Variants in GPATCH2L observed in about 807,000 individuals in gnomAD.
GPATCH2L encodes the protein G-patch domain containing 2 like.
In GPATCH2L, 31 loss-of-function variants were observed where a neutral mutation model predicts 57.4. The observed-to-expected ratio is 0.54, with a 90% CI of 0.41 to 0.73. The LOEUF (loss-of-function observed/expected upper bound fraction) is 0.73, where lower values mean the gene tolerates loss of function less well. Ranked by LOEUF, GPATCH2L falls within the 30% of genes least tolerant of loss-of-function variation. The probability of loss-of-function intolerance (pLI) is 0.00; values close to 1 mark genes in which losing one functional copy is unlikely to be tolerated. For synonymous variants in GPATCH2L, 199 were observed against 210.7 expected (o/e 0.94, Z 0.48); for missense variants, 481 against 599.9 (o/e 0.80, Z 2.07).
chr14:76,212,544 ATGTT>A lies in GPATCH2L; in HGVS notation c.*10694_*10697del, dbSNP rs1443162197. ...GGAGACACAGGAAGAAACAAATACAATGTTAGTTGGATATTTTAATTCAATTCTG... is the reference window on the plus strand; with the variant it reads ...GGAGACACAGGAAGAAACAAATACAAAGTTGGATATTTTAATTCAATTCTG... On this transcript the variant is annotated 3_prime_UTR_variant, in exon 10 of 10. Coordinates refer to ENST00000261530, the MANE Select transcript of GPATCH2L (RefSeq NM_017926.4). 1.3e-5 allele frequency: 2 copies of A among 152,206 alleles called. No individual in the cohort carries two copies. Among genetic ancestry groups the A allele is most frequent in the African/African-American group, 4.8e-5 (2 of 41,454 alleles). The allele number at this position is 152,206 out of a possible 1,614,324, so 9.4% of individuals were successfully genotyped here. A position where few individuals can be genotyped will look rare whatever the true frequency, so the allele number is the denominator to read the frequency against.
chr14:76,216,658 G>T (rs1244528550), downstream of GPATCH2L, among the ~76,000 whole-genome samples: 2 of 152,008 alleles, frequency 1.3e-5, no homozygotes, highest in Admixed American at 1.3e-4. Context: ...AATGCCATCA[G>T]TTTTTTTTCT....
At position 76,154,064 on chromosome 14, in the gene GPATCH2L, G is replaced by T; in HGVS notation, c.-10-290G>T. The T allele has an allele frequency of 3.9e-6, 1 of 253,410 alleles. No homozygotes were observed. The highest frequency in any genetic ancestry group is 7.5e-6 in the Non-Finnish European group (1 of 133,350). 15.7% of individuals were successfully genotyped at this position (253,410 alleles called of 1,614,324 possible). On this transcript the variant is annotated intron_variant, in intron 1 of 9. Coordinates refer to ENST00000261530, the MANE Select transcript of GPATCH2L (RefSeq NM_017926.4). The surrounding 1 kb of genome is among the most constrained non-coding windows in gnomAD (Gnocchi z 4.4). ...GGATCTAGTCCCCCGAATTTGTTTTGGGTCCTGTCCCAGTTGTCTTCTGGT... is the reference window on the plus strand; with the variant it reads ...GGATCTAGTCCCCCGAATTTGTTTTTGGTCCTGTCCCAGTTGTCTTCTGGT...
In GPATCH2L at chr14:76,235,413, T is replaced by C. The variant is rs115655176; in HGVS notation, c.*117+5460T>C. ...TCATGAGATCTTATGGTTTTATAAA[T>C]GGGAGTTCACCTGGACAAGCTCTCT... On this transcript the variant is annotated intron_variant and NMD_transcript_variant, in intron 2 of 3. Coordinates refer to the GPATCH2L transcript ENST00000556372. Among the ~76,000 whole-genome samples, 1,309 of 152,268 alleles carry C rather than the reference T, an allele frequency of 8.6e-3. 22 individuals are homozygous for C. The highest frequency in any genetic ancestry group is 0.03 in the African/African-American group (1,241 of 41,566).
chr14:76,163,819 G>A (rs1011920877), intron 2 of GPATCH2L, among the ~76,000 whole-genome samples: 1 of 152,226 alleles, frequency 6.6e-6, no homozygotes, highest in East Asian at 1.9e-4. Context: ...GGCAACAGAG[G>A]TGTCTAGAAC....
intron 6 of GPATCH2L, 133 bp downstream of exon 6, chr14:76,176,823 GTTAAAT>G (rs1246149795): frequency 1.6e-6 from 1 of 635,326 alleles, no homozygotes; most frequent in Non-Finnish European, 2.8e-6. Context: ...CGTTGTAACA[GTTAAAT>G]ATGGCAACAT....
chr14:76,221,238 T>C (rs577922145), intron 1 of GPATCH2L, among the ~76,000 whole-genome samples: 3 of 149,678 alleles, frequency 2.0e-5, no homozygotes, highest in African/African-American at 4.9e-5. Flanking sequence ...AAAGAAGATA[T>C]ACAGATGGAA....
chr14:76,205,744 A>G lies in GPATCH2L; in HGVS notation c.*3893A>G, dbSNP rs2040368133. The G allele has an allele frequency of 2.6e-5, 4 of 152,280 alleles. No homozygotes were observed. The South Asian group carries it at 8.3e-4, about 31-fold the overall frequency. The allele number at this position is 152,280 out of a possible 1,614,324, so 9.4% of individuals were successfully genotyped here. A position where few individuals can be genotyped will look rare whatever the true frequency, so the allele number is the denominator to read the frequency against. On this transcript the variant is annotated 3_prime_UTR_variant, in exon 10 of 10. Coordinates refer to ENST00000261530, the MANE Select transcript of GPATCH2L (RefSeq NM_017926.4). ...AGATACAGAGTGTTGAGACAAAGGA[A>G]CTAGGCTGGCACAGTCATTGCTGAT...
chr14:76,231,963 T>TCTCACTGCAGC, intron 2 of GPATCH2L, among the ~76,000 whole-genome samples: 1,147 of 57,580 alleles, frequency 0.02, 179 homozygotes, highest in African/African-American at 0.038. Flanking sequence ...GGCAAACACA[T>TCTCACTGCAGC]CTCACTGCAG....
chr14:76,182,822 A>G (rs17104207), intron 8 of GPATCH2L, among the ~76,000 whole-genome samples: 2,943 of 152,284 alleles, frequency 0.019, 62 homozygotes, highest in South Asian at 0.076. Flanking sequence ...TTGAAAAAGC[A>G]CAGAGGAGGG....
downstream of GPATCH2L, among the ~76,000 whole-genome samples, chr14:76,214,680 C>T (rs1413541055): frequency 6.6e-6 from 1 of 152,158 alleles, no homozygotes; most frequent in Admixed American, 6.6e-5. Flanking sequence ...TAGTGACCTC[C>T]CAAAGGCCCT....
In GPATCH2L at chr14:76,205,202, T is replaced by A. The variant is rs1413776606; in HGVS notation, c.*3351T>A. ...CTATGCTGGTCTTGAACTCCTAACC[T>A]CAAGCAATCTTCCTGCCTCAGCCTC... On this transcript the variant is annotated 3_prime_UTR_variant, in exon 10 of 10. Transcript: ENST00000261530. 1 of 152,240 alleles carries A rather than the reference T, an allele frequency of 6.6e-6. No homozygotes were observed. The highest frequency in any genetic ancestry group is 2.4e-5 in the African/African-American group (1 of 41,426). The allele number at this position is 152,240 out of a possible 1,614,324, so 9.4% of individuals were successfully genotyped here.
At chr14:76,162,416 TAA>T (rs2038633917) in intron 2 of GPATCH2L, among the ~76,000 whole-genome samples, 1 of 152,154 alleles carries the variant, frequency 6.6e-6, no homozygotes, top group South Asian at 2.1e-4. Context: ...CAGTCTCGTA[TAA>T]CCTAATTGCA....
intron 9 of GPATCH2L, among the ~76,000 whole-genome samples, chr14:76,199,270 G>A (rs1047127022): frequency 1.6e-4 from 24 of 151,482 alleles, no homozygotes; most frequent in African/African-American, 4.8e-5. Context: ...GTTTTTTATC[G>A]TTTGTCATTC....
intron 9 of GPATCH2L, chr14:76,196,559 A>G (rs11159183): frequency 0.79 from 126,745 of 160,120 alleles, 50,783 homozygotes; most frequent in South Asian, 0.88. Context: ...GCTGTTGGCA[A>G]TGCTCCATAT....
At position 76,214,056 on chromosome 14, in the gene GPATCH2L, T is replaced by C. The variant is rs2040469988; in HGVS notation, c.*12205T>C. On this transcript the variant is annotated 3_prime_UTR_variant, in exon 10 of 10. Coordinates refer to ENST00000261530, the MANE Select transcript of GPATCH2L (RefSeq NM_017926.4). ...CCCTTATAATTTTTCCTATTGTGCT[T>C]CTGGCTATTCATACATGTTTGTTTT... The C allele has an allele frequency of 6.6e-6, 1 of 152,208 alleles. No homozygotes were observed. Among genetic ancestry groups the C allele is most frequent in the Non-Finnish European group, 1.5e-5 (1 of 68,032 alleles). The allele number at this position is 152,208 out of a possible 1,614,324, so 9.4% of individuals were successfully genotyped here.
intron 8 of GPATCH2L, among the ~76,000 whole-genome samples, chr14:76,193,750 G>A (rs1355286070): frequency 2.0e-5 from 3 of 152,134 alleles, no homozygotes; most frequent in African/African-American, 7.2e-5. Context: ...ACATGGTTTA[G>A]CTTGAATCAG....
At chr14:76,225,754 A>G (rs968213204) in intron 1 of GPATCH2L, among the ~76,000 whole-genome samples, 9 of 152,242 alleles carry the variant, frequency 5.9e-5, no homozygotes, top group Non-Finnish European at 2.9e-5. Context: ...TAAAAGTATT[A>G]CAAATCAATG....
At chr14:76,168,256 A>G (rs559010665) in intron 3 of GPATCH2L, among the ~76,000 whole-genome samples, 2 of 152,338 alleles carry the variant, frequency 1.3e-5, no homozygotes, top group Non-Finnish European at 2.9e-5. Flanking sequence ...GCAAGGGCAT[A>G]TTTATGAACT....
chr14:76,182,440 T>C (rs1271912176), intron 8 of GPATCH2L, among the ~76,000 whole-genome samples: 1 of 142,742 alleles, frequency 7.0e-6, no homozygotes, highest in Admixed American at 7.0e-5. Context: ...TTTTAAATCA[T>C]TTGTGTCTGG....
Sources: allele counts gnomAD v4.1 joint callset (sites outside exome capture counted in the v4.1 genomes callset), GRCh38; gene constraint gnomAD v4.1.1; non-coding constraint Gnocchi (gnomAD v3.1); transcripts MANE v1.5; gene names NCBI Gene and HGNC (gene_info 2026-07-23, HGNC 2026-07-21).